Variants in RNF144A observed in about 807,000 individuals in gnomAD.
RNF144A encodes E3 ubiquitin-protein ligase RNF144A.
In RNF144A, 11 loss-of-function variants were observed where a neutral mutation model predicts 38.7. The observed-to-expected ratio is 0.28, with a 90% CI of 0.18 to 0.47. The LOEUF (loss-of-function observed/expected upper bound fraction) is 0.47, where lower values mean the gene tolerates loss of function less well. Ranked by LOEUF, RNF144A falls within the 20% of genes least tolerant of loss-of-function variation. RNF144A has a pLI of 0.99. For missense variants in RNF144A, 316 were observed against 377.2 expected (o/e 0.84, Z 1.34); for synonymous variants, 149 against 143.9 (o/e 1.04, Z -0.25).
At chr2:6,963,260 T>C (rs757768503) in intron 2 of RNF144A, among the ~76,000 whole-genome samples, 1 of 152,150 alleles carries the variant, frequency 6.6e-6, no homozygotes, top group Non-Finnish European at 1.5e-5. Flanking sequence ...TGGGTTGAAA[T>C]GTTTGTGTCC....
At chr2:7,048,799 G>A (rs1673406796), downstream of RNF144A, among the ~76,000 whole-genome samples, 2 of 152,226 alleles carry the variant, frequency 1.3e-5, no homozygotes, top group African/African-American at 4.8e-5. Flanking sequence ...GGTAAGTGCT[G>A]GTGAAGTCTA....
chr2:7,020,666 C>T lies in RNF144A; in HGVS notation c.495C>T (p.Leu165=), dbSNP rs750085871. ...GCPETMPITF[L]PGETSAAFKM... is the part of the protein sequence containing the mutation. ...CGGAGACCATGCCGATCACCTTCCT[C>T]CCCGGGGAGACCAGGTACCCTTTGT... is the stretch of plus-strand genomic sequence containing the variant. Residue 165 remains leucine (L), a synonymous_variant, in exon 6 of 9, where the codon CTC becomes CTT. Transcript: ENST00000320892. The T allele has an allele frequency of 1.0e-5, 16 of 1,603,490 alleles. No individual in the cohort carries two copies. The East Asian group carries it at 2.2e-4, about 22-fold the overall frequency.
chr2:6,924,657 C>G (rs972272764), intron 1 of RNF144A, among the ~76,000 whole-genome samples: 7 of 152,228 alleles, frequency 4.6e-5, no homozygotes, highest in African/African-American at 1.4e-4. Context: ...GCGGGCCTCT[C>G]ATGAAACACT....
At chr2:6,970,988 C>T (rs1277665379) in intron 2 of RNF144A, among the ~76,000 whole-genome samples, 1 of 152,224 alleles carries the variant, frequency 6.6e-6, no homozygotes, top group African/African-American at 2.4e-5. Context: ...AATCACTCGT[C>T]TTTACCTTGC....
At chr2:7,059,545 G>A (rs1457518478) in intron 6 of RNF144A, among the ~76,000 whole-genome samples, 1 of 152,136 alleles carries the variant, frequency 6.6e-6, no homozygotes, top group African/African-American at 2.4e-5. Context: ...AGAAACAAAA[G>A]AGTCAAGTGT....
chr2:6,924,722 G>T (rs1243799258), intron 1 of RNF144A, among the ~76,000 whole-genome samples: 2 of 152,374 alleles, frequency 1.3e-5, no homozygotes, highest in East Asian at 3.9e-4. Flanking sequence ...CCCAGGGCCA[G>T]AGATTCTTGT....
intron 6 of RNF144A, among the ~76,000 whole-genome samples, chr2:7,066,609 T>C (rs972992226): frequency 6.6e-6 from 1 of 152,226 alleles, no homozygotes; most frequent in Non-Finnish European, 1.5e-5. Context: ...ACACTGGATA[T>C]ATTATGAAGG....
At chr2:6,937,850 C>T (rs1419889543) in intron 1 of RNF144A, among the ~76,000 whole-genome samples, 1 of 152,138 alleles carries the variant, frequency 6.6e-6, no homozygotes, top group Non-Finnish European at 1.5e-5. Flanking sequence ...AATTAGCATC[C>T]TCAGGCTGCA....
intron 3 of RNF144A, among the ~76,000 whole-genome samples, chr2:7,000,893 A>G (rs890857153): frequency 7.3e-5 from 11 of 150,182 alleles, no homozygotes; most frequent in Non-Finnish European, 1.2e-4. Context: ...TTTTGCTTTG[A>G]GTTAGAATTA....
chr2:7,007,426 T>C (rs191429116), intron 3 of RNF144A, among the ~76,000 whole-genome samples: 30 of 152,304 alleles, frequency 2.0e-4, no homozygotes, highest in African/African-American at 6.7e-4. Context: ...TGTCTCACAC[T>C]CAGCCTCTCA....
intron 5 of RNF144A, among the ~76,000 whole-genome samples, chr2:7,019,596 A>C (rs1314996746): frequency 3.3e-5 from 5 of 152,216 alleles, no homozygotes. Flanking sequence ...CTGGCCTGGG[A>C]GAGCTTTCTG....
At chr2:7,057,323 C>T (rs1487181290) in intron 6 of RNF144A, among the ~76,000 whole-genome samples, 2 of 152,176 alleles carry the variant, frequency 1.3e-5, no homozygotes, top group African/African-American at 4.8e-5. Context: ...TCAATAAATA[C>T]CTCCTGAGTG....
At chr2:7,003,109 A>G (rs1054577694) in intron 3 of RNF144A, among the ~76,000 whole-genome samples, 3 of 149,884 alleles carry the variant, frequency 2.0e-5, no homozygotes. Flanking sequence ...ATATATACAC[A>G]TATATATATT....
At chr2:7,067,709 G>A (rs1033777401) in intron 6 of RNF144A, among the ~76,000 whole-genome samples, 3 of 152,130 alleles carry the variant, frequency 2.0e-5, no homozygotes, top group Non-Finnish European at 4.4e-5. Flanking sequence ...TTGAACAAGA[G>A]GAAGGACTAA....
chr2:7,066,226 T>C (rs1674213499), intron 6 of RNF144A, among the ~76,000 whole-genome samples: 1 of 152,170 alleles, frequency 6.6e-6, no homozygotes, highest in Admixed American at 6.5e-5. Context: ...TAGCTGGGAC[T>C]ACAGGCGCCC....
At chr2:7,025,127 C>T (rs1306269679) in intron 7 of RNF144A, among the ~76,000 whole-genome samples, 1 of 152,212 alleles carries the variant, frequency 6.6e-6, no homozygotes, top group Non-Finnish European at 1.5e-5. Flanking sequence ...CGGCAGCCTT[C>T]TCCTAAGTAT....
At chr2:6,959,738 C>T (rs562080941) in intron 2 of RNF144A, among the ~76,000 whole-genome samples, 10 of 152,170 alleles carry the variant, frequency 6.6e-5, no homozygotes, top group Non-Finnish European at 1.5e-4. Context: ...ATGGATTAAT[C>T]CGGTCATGAG....
At chr2:7,062,485 A>C (rs1355920757) in intron 6 of RNF144A, among the ~76,000 whole-genome samples, 1 of 140,750 alleles carries the variant, frequency 7.1e-6, no homozygotes, top group Non-Finnish European at 1.5e-5. Context: ...TTTGAGAAAT[A>C]GTGCTGGGTG....
intron 6 of RNF144A, among the ~76,000 whole-genome samples, chr2:7,054,175 G>T (rs1307526222): frequency 6.6e-6 from 1 of 152,138 alleles, no homozygotes; most frequent in African/African-American, 2.4e-5. Context: ...GGCAGACAGT[G>T]TGAGAAAGCA....
Sources: gnomAD v4.1 joint callset for allele counts (sites outside exome capture counted in the v4.1 genomes callset) on GRCh38, gnomAD v4.1.1 for gene constraint, MANE v1.5 for transcripts, NCBI Gene and HGNC (gene_info 2026-07-23, HGNC 2026-07-21) for gene names.